The following CLEC16A variants were observed in gnomAD, a reference collection of about 807,000 sequenced individuals.
The protein encoded by CLEC16A is C-type lectin domain containing 16A.
Under a neutral mutation model 109.5 loss-of-function variants are expected in CLEC16A, and 51 were observed. The ratio of observed to expected loss-of-function variants is 0.47; its 90% CI spans 0.37 to 0.59. The LOEUF is 0.59. CLEC16A is among the 20% of genes least tolerant of loss of function. The pLI is 0.00. For synonymous variants in CLEC16A, 673 were observed against 564.2 expected (o/e 1.19, Z -2.73); for missense variants, 1,339 against 1,394.0 (o/e 0.96, Z 0.63).
chr16:11,024,553 C>T lies in CLEC16A; in HGVS notation c.1437-268C>T. ...TGTGGGGAGTTTGTATAATTGATTC[C>T]CTGTGTCTGGAATACCTGGTGAATG... On this transcript the variant is annotated intron_variant, in intron 12 of 23. Coordinates refer to ENST00000409790, the MANE Select transcript of CLEC16A (RefSeq NM_015226.3). 4 of 372,296 alleles carry T rather than the reference C, an allele frequency of 1.1e-5. No individual in the cohort carries two copies. The South Asian group carries it at 1.2e-4, about 11-fold the overall frequency. 23.1% of individuals were successfully genotyped at this position (372,296 alleles called of 1,614,324 possible).
chr16:11,064,768 C>A (rs2048673706), intron 19 of CLEC16A, among the ~76,000 whole-genome samples: 1 of 152,078 alleles, frequency 6.6e-6, no homozygotes, highest in Non-Finnish European at 1.5e-5. Context: ...CAGAGTGAGA[C>A]CCTCTTTCAA....
chr16:11,043,304 G>A (rs1045263535), intron 15 of CLEC16A, among the ~76,000 whole-genome samples: 8 of 152,180 alleles, frequency 5.3e-5, no homozygotes, highest in African/African-American at 1.9e-4. Context: ...CAGCTACTCA[G>A]AAGGCTGAGG....
At chr16:11,156,336 C>G (rs2054515483) in intron 22 of CLEC16A, among the ~76,000 whole-genome samples, 1 of 150,378 alleles carries the variant, frequency 6.6e-6, no homozygotes, top group Admixed American at 6.6e-5. Flanking sequence ...TGCCACTGCA[C>G]TCCAGCCTGG....
chr16:11,020,272 G>T lies in CLEC16A; in HGVS notation c.1383G>T (p.Thr461=), dbSNP rs76611790. The change falls in exon 12 of 24, where the codon ACG becomes ACT. Residue 461 remains threonine, a synonymous_variant. Transcript: ENST00000409790. ...ASTSVQEQNT[T]DEEKSAAATC... is the part of the protein sequence containing the mutation. ...CCTCCGTGCAGGAGCAGAACACCACGGACGAGGAGAAAAGCGCCGCCGCCA... is the reference window on the plus strand; with the variant it reads ...CCTCCGTGCAGGAGCAGAACACCACTGACGAGGAGAAAAGCGCCGCCGCCA... The T allele has an allele frequency of 6.2e-7, 1 of 1,613,602 alleles. No individual in the cohort carries two copies. Among genetic ancestry groups the T allele is most frequent in the African/African-American group, 1.3e-5 (1 of 74,818 alleles).
chr16:11,091,759 G>A (rs1260502674), intron 19 of CLEC16A, among the ~76,000 whole-genome samples: 1 of 152,150 alleles, frequency 6.6e-6, no homozygotes, highest in African/African-American at 2.4e-5. Context: ...CCTCTGATAG[G>A]TGTAAGCTCA....
chr16:11,121,925 A>G (rs2052449036), intron 20 of CLEC16A, among the ~76,000 whole-genome samples: 1 of 150,192 alleles, frequency 6.7e-6, no homozygotes, highest in Admixed American at 6.6e-5. Flanking sequence ...AACGTGATAG[A>G]TAACTAGTAC....
At chr16:10,991,423 C>CAA (rs756161193) in intron 10 of CLEC16A, among the ~76,000 whole-genome samples, 635 of 62,710 alleles carry the variant, frequency 0.01, 14 homozygotes, top group African/African-American at 0.013. Flanking sequence ...GACTCCGTCT[C>CAA]AAAAAAAAAA....
chr16:11,028,066 G>C (rs1293404366), intron 13 of CLEC16A, among the ~76,000 whole-genome samples: 1 of 152,234 alleles, frequency 6.6e-6, no homozygotes, highest in East Asian at 1.9e-4. Flanking sequence ...CGGGCATGGT[G>C]GCGCATGCCT....
At chr16:11,067,175 TTTTG>T (rs1443891002) in intron 19 of CLEC16A, among the ~76,000 whole-genome samples, 6 of 141,528 alleles carry the variant, frequency 4.2e-5, no homozygotes, top group South Asian at 2.2e-4. Flanking sequence ...TTGGTTTTTT[TTTTG>T]TTTGTTTTTG....
At chr16:11,142,920 C>T (rs1477288876) in intron 22 of CLEC16A, among the ~76,000 whole-genome samples, 1 of 152,202 alleles carries the variant, frequency 6.6e-6, no homozygotes, top group Admixed American at 6.5e-5. Flanking sequence ...AAGTGATTCT[C>T]CTGCCTCAGC....
chr16:11,044,155 C>T lies in CLEC16A; in HGVS notation c.1815+83C>T, dbSNP rs868292891. 2.0e-5 allele frequency: 24 copies of T among 1,173,028 alleles called. No homozygotes were observed. The African/African-American group carries it at 2.6e-4, about 13-fold the overall frequency. 72.7% of individuals were successfully genotyped at this position (1,173,028 alleles called of 1,614,324 possible). On this transcript the variant is annotated intron_variant, in intron 16 of 23. Coordinates refer to ENST00000409790, the MANE Select transcript of CLEC16A (RefSeq NM_015226.3). Reference sequence around the variant, plus strand: ...TGGTGTCTGGTTCTATGCAGATAAACGTTATATGTCTTCAGTTATTTTTTA... The same window carrying T: ...TGGTGTCTGGTTCTATGCAGATAAATGTTATATGTCTTCAGTTATTTTTTA...
At chr16:11,016,641 T>C (rs751258624) in intron 11 of CLEC16A, among the ~76,000 whole-genome samples, 1 of 152,168 alleles carries the variant, frequency 6.6e-6, no homozygotes, top group Non-Finnish European at 1.5e-5. Flanking sequence ...CAGCCCACAT[T>C]CCAGCTCTTG....
intron 1 of CLEC16A, among the ~76,000 whole-genome samples, chr16:10,951,634 G>A (rs2041737539): frequency 1.3e-5 from 2 of 152,178 alleles, no homozygotes; most frequent in African/African-American, 2.4e-5. Flanking sequence ...ATTAAACGAA[G>A]CACTCAGACA....
chr16:11,009,622 G>A (rs756749986), intron 11 of CLEC16A, among the ~76,000 whole-genome samples: 1 of 152,172 alleles, frequency 6.6e-6, no homozygotes. Flanking sequence ...AAGGCTAGGC[G>A]CTGGAGTGTT....
At chr16:11,004,698 C>T (rs1226224409) in intron 11 of CLEC16A, among the ~76,000 whole-genome samples, 1 of 152,204 alleles carries the variant, frequency 6.6e-6, no homozygotes, top group Admixed American at 6.5e-5. Flanking sequence ...TCATGACTTT[C>T]TTGGCAGTTG....
rs541060495 is a variant in CLEC16A, at chr16:11,157,687, C to T, written c.2642-8701C>T. 7.2e-5 allele frequency among the ~76,000 whole-genome samples: 11 copies of T among 151,774 alleles called. No individual in the cohort carries two copies. The South Asian group carries it at 2.1e-3, about 29-fold the overall frequency. ...TTGTGTAGATTCCTAAGAGGAGTCC[C>T]GGGCAAGGACCCAGGCCTCACCTGG... On this transcript the variant is annotated intron_variant, in intron 22 of 23. Coordinates refer to ENST00000409790, the MANE Select transcript of CLEC16A (RefSeq NM_015226.3).
intron 19 of CLEC16A, among the ~76,000 whole-genome samples, chr16:11,096,479 T>A (rs1259531335): frequency 6.6e-6 from 1 of 152,278 alleles, no homozygotes; most frequent in East Asian, 1.9e-4. Context: ...ACGGGAGGAA[T>A]ACAGACCATT....
intron 22 of CLEC16A, among the ~76,000 whole-genome samples, chr16:11,158,695 A>G (rs2054617138): frequency 6.6e-6 from 1 of 151,664 alleles, no homozygotes; most frequent in Non-Finnish European, 1.5e-5. Context: ...GGCCGAGGGA[A>G]GAGGATCACT....
At chr16:11,044,650 G>A (rs146901729) in intron 16 of CLEC16A, among the ~76,000 whole-genome samples, 1 of 152,104 alleles carries the variant, frequency 6.6e-6, no homozygotes, top group African/African-American at 2.4e-5. Flanking sequence ...TCTAATTGCC[G>A]CCAGGCATGG....
Sources: allele counts gnomAD v4.1 joint callset (sites outside exome capture counted in the v4.1 genomes callset), GRCh38; gene constraint gnomAD v4.1.1; transcripts MANE v1.5; gene names NCBI Gene and HGNC (gene_info 2026-07-23, HGNC 2026-07-21).